ZNF496: variants seen among roughly 807,000 people sequenced by gnomAD.
ZNF496 encodes zinc finger protein 496.
A neutral mutation model predicts 58.9 loss-of-function variants in ZNF496; 11 were observed. That is an observed-to-expected ratio of 0.19 (90% CI 0.12 to 0.31). The LOEUF (loss-of-function observed/expected upper bound fraction) is 0.31. Ranked by LOEUF, ZNF496 falls within the 10% of genes least tolerant of loss-of-function variation. The pLI, the probability that ZNF496 is intolerant of heterozygous loss-of-function variation, is 1.00. For synonymous variants in ZNF496, 338 were observed against 318.2 expected (o/e 1.06, Z -0.66); for missense variants, 660 against 783.0 (o/e 0.84, Z 1.88).
In ZNF496 at chr1:247,328,777, G is replaced by T; in HGVS notation, c.480C>A (p.Ser160Arg). The T allele has an allele frequency of 6.2e-7, 1 of 1,613,774 alleles. No homozygotes were observed. The highest frequency in any genetic ancestry group is 8.5e-7 in the Non-Finnish European group (1 of 1,179,894). ...GGGCATCCTGGTTCTTTGCAAGGTC[G>T]CTGTGGGGCTCTACCGGCAGCTGCT... ...EQEQLPVEPH[S>R]DLAKNQDAQP... Residue 160 changes from serine to arginine, a missense_variant, in exon 5 of 10, where the codon AGC becomes AGA. By Grantham distance (110) the Ser-to-Arg change is moderately radical (BLOSUM62 -1). Coordinates refer to ENST00000682384, the MANE Select transcript of ZNF496 (RefSeq NM_032752.3).
Position 247,329,054 on chromosome 1 carries a change from A to C in ZNF496, c.390+135T>G. The C allele has an allele frequency of 1.4e-6, 2 of 1,471,476 alleles. No homozygotes were observed. Among genetic ancestry groups the C allele is most frequent in the Non-Finnish European group, 1.8e-6 (2 of 1,082,538 alleles). The allele number at this position is 1,471,476 out of a possible 1,614,324, so 91.2% of individuals were successfully genotyped here. A position where few individuals can be genotyped will look rare whatever the true frequency, so the allele number is the denominator to read the frequency against. On this transcript the variant is annotated intron_variant, in intron 4 of 9. Transcript: ENST00000682384. The surrounding 1 kb of genome is among the most constrained non-coding windows in gnomAD (Gnocchi z 5.5). ...GGGAGTAAAACTGGCTTTCTTAGGAAACTCTAGTCTGGACCTAACCAAAGT... is the reference window on the plus strand; with the variant it reads ...GGGAGTAAAACTGGCTTTCTTAGGACACTCTAGTCTGGACCTAACCAAAGT...
intron 6 of ZNF496, among the ~76,000 whole-genome samples, chr1:247,317,570 GCCC>G (rs74163749): frequency 6.6e-6 from 1 of 150,494 alleles, no homozygotes; most frequent in South Asian, 2.1e-4. Flanking sequence ...CTAAGAACAA[GCCC>G]CCCCCCCGCC....
chr1:247,318,573 G>A (rs1659859423), intron 6 of ZNF496, among the ~76,000 whole-genome samples: 1 of 152,042 alleles, frequency 6.6e-6, no homozygotes, highest in Admixed American at 6.6e-5. Context: ...GAGGCCAGAA[G>A]GAAGTAACAT....
intron 5 of ZNF496, among the ~76,000 whole-genome samples, chr1:247,325,463 GATTAA>G (rs758012365): frequency 3.9e-5 from 6 of 152,202 alleles, no homozygotes; most frequent in Non-Finnish European, 7.3e-5. Flanking sequence ...ATTGTGAAAT[GATTAA>G]ATTAAGCTAA....
intron 6 of ZNF496, among the ~76,000 whole-genome samples, chr1:247,316,135 GGTGTGTGTGTGTGTGTGTGTGTGT>G (rs148003455): frequency 1.6e-4 from 22 of 139,926 alleles, no homozygotes; most frequent in Non-Finnish European, 2.6e-4. Flanking sequence ...CTGGGAGAGG[GGTGTGTGTGTGTGTGTGTGTGTGT>G]GTGTGTGTGT....
At chr1:247,325,251 C>G (rs1367632397) in intron 5 of ZNF496, among the ~76,000 whole-genome samples, 2 of 152,206 alleles carry the variant, frequency 1.3e-5, no homozygotes, top group Non-Finnish European at 2.9e-5. Context: ...GGAAGGCAGC[C>G]TCTTCACTGT....
In ZNF496 at chr1:247,300,520, CAGT is replaced by C; in HGVS notation, c.1760_1762del (p.Tyr587del). 6.2e-7 allele frequency: 1 copy of C among 1,602,498 alleles called. No homozygotes were observed. Among genetic ancestry groups the C allele is most frequent in the Non-Finnish European group, 8.5e-7 (1 of 1,172,022 alleles). On this transcript the variant is annotated inframe_deletion, in exon 10 of 10. Transcript: ENST00000682384. The surrounding 1 kb of genome is among the most constrained non-coding windows in gnomAD (Gnocchi z 5.7). The stretch of plus-strand genomic sequence containing the variant: ...TGAGGCCGCCCCAGGCGGAGAGGCT[CAGT>C]AGGAGTTCAGAGCCTGCTTGGAACG...
At position 247,300,499 on chromosome 1, in the gene ZNF496, G is replaced by A; in HGVS notation, c.*20C>T. 1 of 1,583,596 alleles carries A rather than the reference G, an allele frequency of 6.3e-7. No individual in the cohort carries two copies. ...AGGGGGCAGCACCAGCCAGGGTGAGGCCGCCCCAGGCGGAGAGGCTCAGTA... is the reference window on the plus strand; with the variant it reads ...AGGGGGCAGCACCAGCCAGGGTGAGACCGCCCCAGGCGGAGAGGCTCAGTA... On this transcript the variant is annotated 3_prime_UTR_variant, in exon 10 of 10. Coordinates refer to ENST00000682384, the MANE Select transcript of ZNF496 (RefSeq NM_032752.3). The surrounding 1 kb of genome is among the most constrained non-coding windows in gnomAD (Gnocchi z 5.7).
At position 247,300,805 on chromosome 1, in the gene ZNF496, G is replaced by A. The variant is rs768969794; in HGVS notation, c.1478C>T (p.Pro493Leu). The A allele has an allele frequency of 1.0e-5, 16 of 1,603,044 alleles. No individual in the cohort carries two copies. Among genetic ancestry groups the A allele is most frequent in the African/African-American group, 1.3e-5 (1 of 74,776 alleles). Residue 493 changes from proline (P) to leucine (L), a missense_variant, in exon 10 of 10, where the codon CCG (proline) becomes CTG (leucine). Pro to Leu is a moderately conservative substitution (Grantham distance 98). Coordinates refer to ENST00000682384, the MANE Select transcript of ZNF496 (RefSeq NM_032752.3). The surrounding 1 kb of genome is among the most constrained non-coding windows in gnomAD (Gnocchi z 5.7). Reference sequence around the variant, plus strand: ...TGCCGCCTGCTCTCTCTTCTCCACCGGCTGGAGTCTGTCCGGCTGCAGGTG... The same window carrying A: ...TGCCGCCTGCTCTCTCTTCTCCACCAGCTGGAGTCTGTCCGGCTGCAGGTG... Reference protein sequence around the residue: ...RIHLQPDRLQPVEKREQAASE... With the variant: ...RIHLQPDRLQLVEKREQAASE...
rs1397306445 is a variant in ZNF496, at chr1:247,323,241, T to G, written c.575-11A>C. 2 of 1,612,770 alleles carry G rather than the reference T, an allele frequency of 1.2e-6. No homozygotes were observed. The highest frequency in any genetic ancestry group is 2.7e-5 in the African/African-American group (2 of 75,022). On this transcript the variant is annotated splice_polypyrimidine_tract_variant and intron_variant, in intron 5 of 9. Transcript: ENST00000682384. ...AAGCATCTTGCAGAACTGAAAGAGA[T>G]CAGAAAATGGTGTCCTAAAGTGGGC...
Position 247,323,218 on chromosome 1 carries a change from G to A in ZNF496, c.587C>T (p.Ala196Val). The change falls in exon 6 of 10, where the codon GCT becomes GTT. Residue 196 changes from alanine (A) to valine (V), a missense_variant. Physicochemically the swap from Ala to Val is moderately conservative, Grantham distance 64. Transcript: ENST00000682384. ...QLSGDPVLQD[A>V]FLLQEENVRD... Reference sequence around the variant, plus strand: ...CACATTCTCTTCCTGAAGAAGGAAAGCATCTTGCAGAACTGAAAGAGATCA... The same window carrying A: ...CACATTCTCTTCCTGAAGAAGGAAAACATCTTGCAGAACTGAAAGAGATCA... 6.2e-7 allele frequency: 1 copy of A among 1,613,988 alleles called. No homozygotes were observed. The highest frequency in any genetic ancestry group is 8.5e-7 in the Non-Finnish European group (1 of 1,179,874).
At position 247,300,668 on chromosome 1, in the gene ZNF496, G is replaced by C; in HGVS notation, c.1615C>G (p.Arg539Gly). Residue 539 changes from arginine to glycine, a missense_variant, in exon 10 of 10, where the codon CGG (arginine) becomes GGG (glycine). Physicochemically the swap from Arg to Gly is moderately radical, Grantham distance 125 (BLOSUM62 -2). Transcript: ENST00000682384. This position sits in a 1 kb window ranked among gnomAD's most constrained non-coding sequence, Gnocchi z 5.7. Reference protein sequence around the residue: ...KAFQRHDHLARHRSHFHLKDK... With the variant: ...KAFQRHDHLAGHRSHFHLKDK... Reference sequence around the variant, plus strand: ...TTCAGGTGAAAGTGGCTGCGGTGCCGAGCCAGGTGGTCGTGCCGCTGGAAG... The same window carrying C: ...TTCAGGTGAAAGTGGCTGCGGTGCCCAGCCAGGTGGTCGTGCCGCTGGAAG... 1 of 1,614,052 alleles carries C rather than the reference G, an allele frequency of 6.2e-7. No individual in the cohort carries two copies. Among genetic ancestry groups the C allele is most frequent in the Non-Finnish European group, 8.5e-7 (1 of 1,180,048 alleles).
At chr1:247,322,075 A>G (rs1298901087) in intron 6 of ZNF496, among the ~76,000 whole-genome samples, 1 of 152,148 alleles carries the variant, frequency 6.6e-6, no homozygotes, top group Non-Finnish European at 1.5e-5. Context: ...TGAGGTCAGG[A>G]GTTTGAGACC....
At chr1:247,319,303 C>T (rs1370520114) in intron 6 of ZNF496, among the ~76,000 whole-genome samples, 6 of 152,210 alleles carry the variant, frequency 3.9e-5, no homozygotes, top group Non-Finnish European at 8.8e-5. Context: ...AAATAAGCTT[C>T]TACACTTCAC....
chr1:247,312,999 G>T (rs1659656166), intron 6 of ZNF496: 1 of 152,178 alleles, frequency 6.6e-6, no homozygotes, highest in Non-Finnish European at 1.5e-5. Flanking sequence ...TGGAGGCTAG[G>T]AAGTCCCCAG....
intron 5 of ZNF496, among the ~76,000 whole-genome samples, chr1:247,327,087 G>A (rs1360258673): frequency 6.6e-6 from 1 of 151,892 alleles, no homozygotes; most frequent in Non-Finnish European, 1.5e-5. Context: ...GTTTTGAGAT[G>A]GAGTTTTACT....
chr1:247,298,792 C>T lies in ZNF496; in HGVS notation c.*1727G>A, dbSNP rs148965081. 4.6e-5 allele frequency: 7 copies of T among 152,344 alleles called. No homozygotes were observed. Among genetic ancestry groups the T allele is most frequent in the African/African-American group, 1.7e-4 (7 of 41,578 alleles). The allele number at this position is 152,344 out of a possible 1,614,324, so 9.4% of individuals were successfully genotyped here. A position where few individuals can be genotyped will look rare whatever the true frequency, so the allele number is the denominator to read the frequency against. On this transcript the variant is annotated 3_prime_UTR_variant, in exon 10 of 10. Coordinates refer to ENST00000682384, the MANE Select transcript of ZNF496 (RefSeq NM_032752.3). ...TGATGCCCTCTCTTGCTGACCCTAG[C>T]CAACATAACCAGTCTTCCAGGAACA...
intron 6 of ZNF496, among the ~76,000 whole-genome samples, chr1:247,318,934 A>G (rs1024078720): frequency 9.1e-5 from 2 of 21,910 alleles, no homozygotes; most frequent in Non-Finnish European, 6.7e-4. Context: ...CAACTGCATT[A>G]TAATGGGGAA....
intron 6 of ZNF496, chr1:247,310,979 C>G (rs1308054402): frequency 6.5e-6 from 1 of 152,880 alleles, no homozygotes. Flanking sequence ...ACTCAAAAGT[C>G]CGGAGTCCAA....
Sources: allele counts gnomAD v4.1 joint callset (sites outside exome capture counted in the v4.1 genomes callset), GRCh38; gene constraint gnomAD v4.1.1; non-coding constraint Gnocchi (gnomAD v3.1); transcripts MANE v1.5; gene names NCBI Gene and HGNC (gene_info 2026-07-23, HGNC 2026-07-21).